LRRC3B: variants seen among roughly 807,000 people sequenced by gnomAD.
LRRC3B encodes leucine rich repeat containing 3B.
In LRRC3B, 2 loss-of-function variants were observed where a neutral mutation model predicts 12.8. The observed-to-expected ratio is 0.16, with a 90% CI of 0.06 to 0.49. The LOEUF (loss-of-function observed/expected upper bound fraction) is 0.49, where lower values mean the gene tolerates loss of function less well. Among genes scored for constraint, LRRC3B ranks in the 20% least tolerant of loss-of-function variants. LRRC3B has a pLI of 0.96. For synonymous variants in LRRC3B, 132 were observed against 122.0 expected (o/e 1.08, Z -0.54); for missense variants, 189 against 319.4 (o/e 0.59, Z 3.11).
At chr3:26,632,440 G>C (rs1188161680) in intron 1 of LRRC3B, among the ~76,000 whole-genome samples, 1 of 152,142 alleles carries the variant, frequency 6.6e-6, no homozygotes, top group Non-Finnish European at 1.5e-5. Flanking sequence ...TGAAGAAAGA[G>C]GCTGACAAAT....
In LRRC3B at chr3:26,671,413, G is replaced by GAGAGAGAGAGACAC. The variant is rs9331540; in HGVS notation, c.-160-38099_-160-38098insGAGAGAGAGACACA. 1.6e-3 allele frequency among the ~76,000 whole-genome samples: 157 copies of GAGAGAGAGAGACAC among 99,386 alleles called. 7 individuals carry two copies. The highest frequency in any genetic ancestry group is 2.4e-3 in the Non-Finnish European group (123 of 51,280). 65.2% of individuals were successfully genotyped at this position (99,386 alleles called of 152,430 possible). On this transcript the variant is annotated intron_variant, in intron 1 of 1. Coordinates refer to ENST00000396641, the Ensembl canonical transcript of LRRC3B. Reference sequence around the variant, plus strand: ...AGAGAGAGAGAGAGAGAGAGAGAGAGACGAAGTCTTGCTCTGTCGCCAGGC... The same window carrying GAGAGAGAGAGACAC: ...AGAGAGAGAGAGAGAGAGAGAGAGAGAGAGAGAGAGACACACGAAGTCTTGCTCTGTCGCCAGGC...
At chr3:26,623,482 AC>A (rs1698555464) in intron 1 of LRRC3B, among the ~76,000 whole-genome samples, 1 of 151,984 alleles carries the variant, frequency 6.6e-6, no homozygotes, top group African/African-American at 2.4e-5. Context: ...AACTTTTGTG[AC>A]CCCTTCCCTG....
chr3:26,673,626 G>A (rs949878870), intron 1 of LRRC3B, among the ~76,000 whole-genome samples: 1 of 152,164 alleles, frequency 6.6e-6, no homozygotes, highest in African/African-American at 2.4e-5. Context: ...GACATAGCAT[G>A]AAGTGGAAGC....
chr3:26,641,060 G>A lies in LRRC3B; in HGVS notation c.-161+17823G>A, dbSNP rs543117859. Among the ~76,000 whole-genome samples the A allele has an allele frequency of 5.3e-5, 8 of 152,350 alleles. No individual in the cohort carries two copies. In the South Asian group the frequency reaches 1.7e-3, roughly 32 times the overall value. On this transcript the variant is annotated intron_variant, in intron 1 of 1. Coordinates refer to ENST00000396641, the Ensembl canonical transcript of LRRC3B. ...CTGGCAGTGCACAAAAAGTCACTTA[G>A]TAGGGACCGTGAAGGAAGCTGGTGA...
chr3:26,691,630 G>T (rs1247803298), intron 1 of LRRC3B, among the ~76,000 whole-genome samples: 2 of 152,140 alleles, frequency 1.3e-5, no homozygotes, highest in Non-Finnish European at 2.9e-5. Flanking sequence ...CATTAGTCTG[G>T]ATAGTTCAGT....
At chr3:26,652,425 G>A (rs537767091) in intron 1 of LRRC3B, among the ~76,000 whole-genome samples, 36 of 152,266 alleles carry the variant, frequency 2.4e-4, no homozygotes, top group Admixed American at 1.1e-3. Flanking sequence ...GAAGTGGGGC[G>A]GAAGAAAGAA....
chr3:26,682,001 GAT>G (rs1699980680), intron 1 of LRRC3B, among the ~76,000 whole-genome samples: 1 of 151,702 alleles, frequency 6.6e-6, no homozygotes. Context: ...GACACAATAA[GAT>G]ATTAACAATA....
At chr3:26,631,141 C>T (rs959205777) in intron 1 of LRRC3B, among the ~76,000 whole-genome samples, 1 of 152,100 alleles carries the variant, frequency 6.6e-6, no homozygotes, top group Admixed American at 6.5e-5. Flanking sequence ...ATATGGGATG[C>T]CTTTGTGAGA....
intron 1 of LRRC3B, among the ~76,000 whole-genome samples, chr3:26,658,702 G>A (rs1699429443): frequency 6.6e-6 from 1 of 152,184 alleles, no homozygotes; most frequent in Non-Finnish European, 1.5e-5. Context: ...TGCAATCAGG[G>A]GAAAGTGTGA....
intron 1 of LRRC3B, among the ~76,000 whole-genome samples, chr3:26,685,679 ATACCT>A (rs769681020): frequency 3.2e-4 from 47 of 146,250 alleles, no homozygotes; most frequent in Non-Finnish European, 6.1e-4. Context: ...TTTTATGACT[ATACCT>A]TAATTTACTT....
At chr3:26,684,941 T>TATTTC (rs1700043598) in intron 1 of LRRC3B, among the ~76,000 whole-genome samples, 1 of 48,138 alleles carries the variant, frequency 2.1e-5, no homozygotes, top group Non-Finnish European at 3.1e-5. Flanking sequence ...CAGGTTTCTT[T>TATTTC]ATTTTATTTT....
intron 1 of LRRC3B, among the ~76,000 whole-genome samples, chr3:26,685,519 C>CTA (rs1426055308): frequency 7.1e-4 from 34 of 47,740 alleles, no homozygotes; most frequent in African/African-American, 1.4e-3. Context: ...CTCTCTCTCT[C>CTA]TCTCTATATA....
intron 1 of LRRC3B, among the ~76,000 whole-genome samples, chr3:26,679,354 A>G (rs1055684936): frequency 5.9e-5 from 9 of 152,184 alleles, no homozygotes; most frequent in African/African-American, 1.7e-4. Context: ...TGAGATCTCC[A>G]TGGTCTCCCT....
At position 26,640,209 on chromosome 3, in the gene LRRC3B, A is replaced by G. The variant is rs1698994545; in HGVS notation, c.-161+16972A>G. Among the ~76,000 whole-genome samples the G allele has an allele frequency of 1.3e-5, 2 of 152,056 alleles. 1 individual carries two copies. The highest frequency in any genetic ancestry group is 4.8e-5 in the African/African-American group (2 of 41,398). On this transcript the variant is annotated intron_variant, in intron 1 of 1. Coordinates refer to ENST00000396641, the Ensembl canonical transcript of LRRC3B. ...TTAAGAATTGTTACCCTAAACCCCT[A>G]TCCTCCCACTATATTCTTTTTACGA...
At chr3:26,636,765 A>T (rs1489244035) in intron 1 of LRRC3B, among the ~76,000 whole-genome samples, 3 of 148,838 alleles carry the variant, frequency 2.0e-5, no homozygotes, top group African/African-American at 7.5e-5. Flanking sequence ...TGGAAAGCCC[A>T]TATAGCTTTC....
chr3:26,631,931 T>A (rs941705213), intron 1 of LRRC3B, among the ~76,000 whole-genome samples: 1 of 152,252 alleles, frequency 6.6e-6, no homozygotes, highest in Non-Finnish European at 1.5e-5. Context: ...GACATTGTTT[T>A]ATTTTTACTC....
intron 1 of LRRC3B, among the ~76,000 whole-genome samples, chr3:26,681,945 T>A (rs368829626): frequency 6.6e-6 from 1 of 152,296 alleles, no homozygotes; most frequent in South Asian, 2.1e-4. Flanking sequence ...TGTGTATACA[T>A]TTCTTGTCAT....
chr3:26,649,727 C>G (rs1317462423), intron 1 of LRRC3B, among the ~76,000 whole-genome samples: 1 of 152,172 alleles, frequency 6.6e-6, no homozygotes, highest in African/African-American at 2.4e-5. Context: ...TCCTTTAAGG[C>G]ATTTGGTAAC....
At chr3:26,685,540 TATATA>T (rs1375432271) in intron 1 of LRRC3B, among the ~76,000 whole-genome samples, 1 of 121,406 alleles carries the variant, frequency 8.2e-6, no homozygotes, top group African/African-American at 2.9e-5. Context: ...TATATATATA[TATATA>T]TATATATATA....
Sources: allele counts gnomAD v4.1 joint callset (sites outside exome capture counted in the v4.1 genomes callset), GRCh38; gene constraint gnomAD v4.1.1; transcripts MANE v1.5; gene names NCBI Gene and HGNC (gene_info 2026-07-23, HGNC 2026-07-21).